HS6ST3: variants seen among roughly 807,000 people sequenced by gnomAD.
The protein encoded by HS6ST3 is heparan sulfate 6-O-sulfotransferase 3.
HS6ST3 carries 12 observed loss-of-function variants against 36.7 expected under a neutral mutation model. The observed-to-expected ratio is 0.33, with a 90% CI of 0.21 to 0.53. The LOEUF is 0.53. Among genes scored for constraint, HS6ST3 ranks in the 20% least tolerant of loss-of-function variants. HS6ST3 has a pLI of 0.95. For synonymous variants in HS6ST3, 240 were observed against 257.5 expected, an observed-to-expected ratio of 0.93 and a Z score of 0.65; for missense variants, 584 against 640.9, an observed-to-expected ratio of 0.91 and a Z score of 0.96.
At chr13:96,271,404 C>T (rs9554334) in intron 1 of HS6ST3, among the ~76,000 whole-genome samples, 9,199 of 151,874 alleles carry the variant, frequency 0.061, 390 homozygotes, top group East Asian at 0.15. Context: ...TTCCTGCTTT[C>T]ACTAGCAGCT....
chr13:96,408,008 T>G (rs768810971), intron 1 of HS6ST3, among the ~76,000 whole-genome samples: 12 of 152,294 alleles, frequency 7.9e-5, no homozygotes, highest in South Asian at 2.1e-4. Context: ...TGGCACGATC[T>G]CGGCTCACTG....
chr13:96,286,952 G>C (rs185931482), intron 1 of HS6ST3, among the ~76,000 whole-genome samples: 1 of 151,478 alleles, frequency 6.6e-6, no homozygotes, highest in Admixed American at 6.6e-5. Context: ...GTGTGTGTGC[G>C]TGTGTGTGTG....
intron 1 of HS6ST3, among the ~76,000 whole-genome samples, chr13:96,204,079 T>G (rs1380827604): frequency 1.3e-5 from 2 of 152,210 alleles, no homozygotes; most frequent in South Asian, 2.1e-4. Flanking sequence ...ATTAAAATAT[T>G]ACATATTTAA....
In HS6ST3 at chr13:96,496,632, C is replaced by T. The variant is rs954129138; in HGVS notation, c.708-335858C>T. Among the ~76,000 whole-genome samples the T allele has an allele frequency of 1.2e-4, 18 of 152,262 alleles. 1 individual carries two copies. Among genetic ancestry groups the T allele is most frequent in the Admixed American group, 7.8e-4 (12 of 15,298 alleles). On this transcript the variant is annotated intron_variant, in intron 1 of 1. Coordinates refer to ENST00000376705, the MANE Select transcript of HS6ST3 (RefSeq NM_153456.4). Reference sequence around the variant, plus strand: ...CATTCCAGGTGGGATGCCAGACATGCCAATGAAGAAGCCATCTCAGACATT... The same window carrying T: ...CATTCCAGGTGGGATGCCAGACATGTCAATGAAGAAGCCATCTCAGACATT...
At chr13:96,747,125 A>G in intron 1 of HS6ST3, among the ~76,000 whole-genome samples, 1 of 152,144 alleles carries the variant, frequency 6.6e-6, no homozygotes, top group Admixed American at 6.6e-5. Context: ...ATATGGCAAC[A>G]GCAGATTGCT....
At chr13:96,593,465 G>A (rs940673556) in intron 1 of HS6ST3, among the ~76,000 whole-genome samples, 2 of 151,056 alleles carry the variant, frequency 1.3e-5, no homozygotes. Flanking sequence ...CAAAGTGCTG[G>A]GATTACAGGC....
intron 1 of HS6ST3, among the ~76,000 whole-genome samples, chr13:96,529,378 C>T (rs1043098186): frequency 6.6e-6 from 1 of 152,080 alleles, no homozygotes; most frequent in Non-Finnish European, 1.5e-5. Flanking sequence ...TCAGGGTAGT[C>T]ATGTTAGATG....
intron 1 of HS6ST3, among the ~76,000 whole-genome samples, chr13:96,356,745 G>T (rs753643399): frequency 1.3e-5 from 2 of 152,112 alleles, no homozygotes; most frequent in Non-Finnish European, 2.9e-5. Flanking sequence ...AATGAGCATT[G>T]GTTTCATTAA....
Position 96,091,155 on chromosome 13 carries a change from C to G in HS6ST3, c.293C>G (p.Pro98Arg), listed in dbSNP as rs750904009. 1.3e-6 allele frequency: 2 copies of G among 1,539,064 alleles called. No homozygotes were observed. Among genetic ancestry groups the G allele is most frequent in the East Asian group, 4.9e-5 (2 of 40,514 alleles). ...PEEEDEEPGD[P>R]REGEEEEEED... Reference sequence around the variant, plus strand: ...GAGGAGGACGAGGAGCCCGGAGACCCCCGGGAGGGGGAGGAAGAGGAGGAG... The same window carrying G: ...GAGGAGGACGAGGAGCCCGGAGACCGCCGGGAGGGGGAGGAAGAGGAGGAG... Residue 98 changes from proline (P) to arginine (R), a missense_variant, in exon 1 of 2, where the codon CCC becomes CGC. Physicochemically the swap from Pro to Arg is moderately radical, Grantham distance 103. This residue lies in a region of HS6ST3 where 217 missense variants were observed against 205.4 expected (regional missense o/e 1.06). Transcript: ENST00000376705.
intron 1 of HS6ST3, among the ~76,000 whole-genome samples, chr13:96,748,026 T>A (rs1053963507): frequency 3.3e-5 from 5 of 152,102 alleles, no homozygotes; most frequent in African/African-American, 1.2e-4. Context: ...ACATGTGATG[T>A]AGGACATTTT....
At chr13:96,504,370 A>G (rs1233138713) in intron 1 of HS6ST3, among the ~76,000 whole-genome samples, 1 of 152,146 alleles carries the variant, frequency 6.6e-6, no homozygotes, top group East Asian at 1.9e-4. Flanking sequence ...ATTGTGAATA[A>G]GGGTAAGTTT....
chr13:96,468,477 TACAC>T (rs3051066), intron 1 of HS6ST3, among the ~76,000 whole-genome samples: 3,486 of 126,344 alleles, frequency 0.028, 143 homozygotes, highest in African/African-American at 0.079. Context: ...CATACACACA[TACAC>T]ACACACACAC....
At chr13:96,626,035 G>C (rs1205503462) in intron 1 of HS6ST3, among the ~76,000 whole-genome samples, 3 of 151,630 alleles carry the variant, frequency 2.0e-5, no homozygotes, top group African/African-American at 7.3e-5. Flanking sequence ...GTAGAGACGA[G>C]GCTTCACCAT....
chr13:96,220,853 CA>C (rs757260737), intron 1 of HS6ST3, among the ~76,000 whole-genome samples: 23 of 152,156 alleles, frequency 1.5e-4, no homozygotes, highest in Admixed American at 2.6e-4. Flanking sequence ...ATCCTGTTTG[CA>C]GTTACTAAAA....
At chr13:96,648,535 G>A (rs1188430096) in intron 1 of HS6ST3, among the ~76,000 whole-genome samples, 2 of 150,374 alleles carry the variant, frequency 1.3e-5, no homozygotes, top group Non-Finnish European at 3.0e-5. Flanking sequence ...TACAGGATGT[G>A]CAGGTTTGTT....
At chr13:96,701,019 AG>A (rs556830885) in intron 1 of HS6ST3, among the ~76,000 whole-genome samples, 1 of 152,252 alleles carries the variant, frequency 6.6e-6, no homozygotes, top group Non-Finnish European at 1.5e-5. Flanking sequence ...TCACAATTTA[AG>A]GGTGAAGAGT....
At chr13:96,828,465 T>C in intron 1 of HS6ST3, among the ~76,000 whole-genome samples, 1 of 152,108 alleles carries the variant, frequency 6.6e-6, no homozygotes, top group East Asian at 1.9e-4. Flanking sequence ...ACATACTAGG[T>C]TGAGTTTTTC....
intron 1 of HS6ST3, among the ~76,000 whole-genome samples, chr13:96,237,664 T>A (rs569959378): frequency 6.6e-6 from 1 of 152,180 alleles, no homozygotes; most frequent in Non-Finnish European, 1.5e-5. Context: ...TTACCTCTAA[T>A]CTTGTTTTTA....
Position 96,092,980 on chromosome 13 carries a change from C to G in HS6ST3, c.707+1411C>G, listed in dbSNP as rs149531614. 3.5e-3 allele frequency among the ~76,000 whole-genome samples: 527 copies of G among 152,290 alleles called. 2 individuals carry two copies. Among genetic ancestry groups the G allele is most frequent in the African/African-American group, 0.012 (501 of 41,558 alleles). ...TAGTGTATTACTTTGGATCTTGCCA[C>G]TCTCTTTTAGCTTAAAACAGTTTTT... is the stretch of plus-strand genomic sequence containing the variant. On this transcript the variant is annotated intron_variant, in intron 1 of 1. Coordinates refer to ENST00000376705, the MANE Select transcript of HS6ST3 (RefSeq NM_153456.4).
Sources: allele counts gnomAD v4.1 joint callset (sites outside exome capture counted in the v4.1 genomes callset), GRCh38; gene constraint gnomAD v4.1.1; regional missense constraint gnomAD v4.1.1; transcripts MANE v1.5; gene names NCBI Gene and HGNC (gene_info 2026-07-23, HGNC 2026-07-21).